Variants in EXOC2 observed in about 807,000 individuals in gnomAD.
EXOC2 encodes SEC5-like 1.
EXOC2 carries 70 observed loss-of-function variants against 131.8 expected under a neutral mutation model. The ratio of observed to expected loss-of-function variants is 0.53; its 90% CI spans 0.44 to 0.65. The LOEUF (loss-of-function observed/expected upper bound fraction) is 0.65, where lower values mean the gene tolerates loss of function less well. EXOC2 is among the 30% of genes least tolerant of loss of function. The pLI is 0.00. For synonymous variants in EXOC2, 411 were observed against 398.4 expected (o/e 1.03, Z -0.38); for missense variants, 923 against 1,108.6 (o/e 0.83, Z 2.38).
At chr6:546,287 G>A (rs1453119047) in intron 22 of EXOC2, among the ~76,000 whole-genome samples, 2 of 152,080 alleles carry the variant, frequency 1.3e-5, no homozygotes, top group African/African-American at 2.4e-5. Flanking sequence ...ATGGCAGGAC[G>A]CTCCCTGTTG....
intron 2 of EXOC2, among the ~76,000 whole-genome samples, chr6:636,058 T>C (rs1762087651): frequency 6.6e-6 from 1 of 152,228 alleles, no homozygotes; most frequent in Non-Finnish European, 1.5e-5. Flanking sequence ...CGAGACTCCG[T>C]CTCAAAACAA....
chr6:510,733 A>G (rs1470606629), intron 23 of EXOC2, among the ~76,000 whole-genome samples: 2 of 152,226 alleles, frequency 1.3e-5, no homozygotes, highest in African/African-American at 4.8e-5. Context: ...CGTTTCACAA[A>G]CTTGATACAC....
intron 6 of EXOC2, among the ~76,000 whole-genome samples, chr6:613,345 A>G (rs904580625): frequency 1.2e-4 from 18 of 152,340 alleles, no homozygotes; most frequent in African/African-American, 4.1e-4. Context: ...AAAAGCTACT[A>G]ATGGAATACC....
intron 22 of EXOC2, among the ~76,000 whole-genome samples, chr6:547,238 T>G (rs1027520721): frequency 3.3e-5 from 5 of 152,230 alleles, no homozygotes. Context: ...CTAATTTATC[T>G]CCATGTTTCA....
At chr6:523,387 C>G (rs1765581454) in intron 23 of EXOC2, among the ~76,000 whole-genome samples, 2 of 152,170 alleles carry the variant, frequency 1.3e-5, no homozygotes, top group African/African-American at 2.4e-5. Context: ...TGCTTTAAAC[C>G]TGGAAATCAG....
At chr6:586,672 G>C (rs569191397) in intron 11 of EXOC2, among the ~76,000 whole-genome samples, 8 of 152,320 alleles carry the variant, frequency 5.3e-5, no homozygotes, top group Admixed American at 5.2e-4. Context: ...AATCCTGTTT[G>C]ATGCAATATT....
At chr6:487,300 G>C (rs1364399926) in intron 27 of EXOC2, among the ~76,000 whole-genome samples, 4 of 139,248 alleles carry the variant, frequency 2.9e-5, no homozygotes, top group Non-Finnish European at 6.4e-5. Flanking sequence ...CGAAAGCAGT[G>C]AGTTAACCAC....
intron 13 of EXOC2, among the ~76,000 whole-genome samples, chr6:571,226 T>G (rs1169161218): frequency 6.6e-6 from 1 of 152,246 alleles, no homozygotes; most frequent in Non-Finnish European, 1.5e-5. Context: ...ATTGCTTTAA[T>G]ATTTGAATGT....
chr6:662,058 A>G (rs1193265202), intron 1 of EXOC2, among the ~76,000 whole-genome samples: 1 of 152,264 alleles, frequency 6.6e-6, no homozygotes, highest in South Asian at 2.1e-4. Flanking sequence ...ACAGACAAAG[A>G]GGGACATTAT....
At chr6:487,284 G>A (rs949209710) in intron 27 of EXOC2, among the ~76,000 whole-genome samples, 2 of 150,502 alleles carry the variant, frequency 1.3e-5, no homozygotes, top group Non-Finnish European at 1.5e-5. Flanking sequence ...ATTAGAGAGT[G>A]GGGAGCGAAA....
At chr6:552,388 G>A (rs755412368) in intron 21 of EXOC2, among the ~76,000 whole-genome samples, 7 of 152,174 alleles carry the variant, frequency 4.6e-5, no homozygotes, top group Non-Finnish European at 8.8e-5. Context: ...GGGGTGGCTC[G>A]GGATGGCCCG....
intron 18 of EXOC2, 90 bp from the exon 19 acceptor site, chr6:556,103 A>G: frequency 1.7e-6 from 2 of 1,201,080 alleles, no homozygotes; most frequent in Non-Finnish European, 2.4e-6. Flanking sequence ...TAAAACGTGG[A>G]ACGCTGCTGC....
intron 1 of EXOC2, among the ~76,000 whole-genome samples, chr6:659,589 A>ACTCC (rs1219919554): frequency 6.6e-6 from 1 of 151,984 alleles, no homozygotes; most frequent in East Asian, 1.9e-4. Context: ...CCGAACACAC[A>ACTCC]CTCCCACTGG....
chr6:588,194 T>G (rs1759323266), intron 11 of EXOC2, among the ~76,000 whole-genome samples: 1 of 152,238 alleles, frequency 6.6e-6, no homozygotes, highest in African/African-American at 2.4e-5. Flanking sequence ...GTGCTAGAAT[T>G]ACCTACATTT....
At chr6:585,906 T>C (rs7775922) in intron 11 of EXOC2, among the ~76,000 whole-genome samples, 3,824 of 152,328 alleles carry the variant, frequency 0.025, 164 homozygotes, top group African/African-American at 0.086. Context: ...ACAGTGTTAG[T>C]AGTCTAAGTA....
At chr6:578,360 T>A (rs1433174013) in intron 11 of EXOC2, among the ~76,000 whole-genome samples, 2 of 152,200 alleles carry the variant, frequency 1.3e-5, no homozygotes. Flanking sequence ...TGATGAATAA[T>A]ATCTAAGGCC....
At chr6:560,582 G>A (rs777337025) in intron 17 of EXOC2, among the ~76,000 whole-genome samples, 1 of 152,178 alleles carries the variant, frequency 6.6e-6, no homozygotes, top group African/African-American at 2.4e-5. Context: ...TCTGCCTTTT[G>A]TGCAGGTGGT....
intron 7 of EXOC2, among the ~76,000 whole-genome samples, chr6:602,649 G>A (rs983150424): frequency 6.6e-6 from 1 of 152,276 alleles, no homozygotes; most frequent in Non-Finnish European, 1.5e-5. Flanking sequence ...GCCAGCCTTG[G>A]GCAAACCAAG....
intron 23 of EXOC2, among the ~76,000 whole-genome samples, chr6:529,875 A>T (rs1167033485): frequency 6.6e-6 from 1 of 152,252 alleles, no homozygotes; most frequent in Non-Finnish European, 1.5e-5. Flanking sequence ...AGGGGAAGAT[A>T]CGAACTTTAA....
Sources: gnomAD v4.1 joint callset for allele counts (sites outside exome capture counted in the v4.1 genomes callset) on GRCh38, gnomAD v4.1.1 for gene constraint, MANE v1.5 for transcripts, NCBI Gene and HGNC (gene_info 2026-07-23, HGNC 2026-07-21) for gene names.